Variants in PREX1 observed in about 807,000 individuals in gnomAD.
PREX1 encodes the protein phosphatidylinositol-3,4,5-trisphosphate dependent Rac exchange factor 1, also known as phosphatidylinositol 3,4,5-trisphosphate-dependent Rac exchanger 1 protein.
Under a neutral mutation model 198.3 loss-of-function variants are expected in PREX1, and 41 were observed. The observed-to-expected ratio is 0.21, with a 90% confidence interval of 0.16 to 0.27. The LOEUF (loss-of-function observed/expected upper bound fraction) is 0.27. PREX1 is among the 10% of genes least tolerant of loss of function. The pLI, the probability that PREX1 is intolerant of heterozygous loss-of-function variation, is 1.00. For missense variants in PREX1, 1,620 were observed against 2,200.7 expected (o/e 0.74, Z 5.28); for synonymous variants, 843 against 887.2 (o/e 0.95, Z 0.89).
upstream of PREX1, among the ~76,000 whole-genome samples, chr20:48,828,247 C>G (rs1173709489): frequency 2.6e-5 from 4 of 151,620 alleles, 1 homozygote; most frequent in South Asian, 8.3e-4. Flanking sequence ...CCGGAAGGGC[C>G]CCGCGGAGCC....
intron 1 of PREX1, among the ~76,000 whole-genome samples, chr20:48,772,111 T>C (rs6125461): frequency 6.6e-6 from 1 of 152,024 alleles, no homozygotes; most frequent in Non-Finnish European, 1.5e-5. Context: ...AGAGAATCGC[T>C]CGAACCTGGG....
intron 27 of PREX1, among the ~76,000 whole-genome samples, chr20:48,643,566 C>T (rs545144211): frequency 1.1e-3 from 167 of 152,320 alleles, no homozygotes; most frequent in Non-Finnish European, 1.7e-3. Context: ...ACCTGCCCAT[C>T]CATGCATTCA....
the PREX1 span, among the ~76,000 whole-genome samples, chr20:48,875,296 G>A: frequency 4.6e-5 from 7 of 152,182 alleles, no homozygotes; most frequent in East Asian, 5.8e-4. Context: ...AGGGAACGGC[G>A]GGTGCGAAAG....
the PREX1 span, among the ~76,000 whole-genome samples, chr20:48,865,822 A>ACAAACTC: frequency 2.0e-5 from 3 of 152,208 alleles, no homozygotes; most frequent in Admixed American, 6.5e-5. Context: ...ATTATTGTGC[A>ACAAACTC]CAAACTCTCC....
At chr20:48,874,204 G>A in the PREX1 span, among the ~76,000 whole-genome samples, 1 of 152,098 alleles carries the variant, frequency 6.6e-6, no homozygotes, top group African/African-American at 2.4e-5. Context: ...GCTTATCCAA[G>A]ATCACCCACC....
chr20:48,776,348 C>G (rs1482480959), intron 1 of PREX1, among the ~76,000 whole-genome samples: 1 of 152,218 alleles, frequency 6.6e-6, no homozygotes, highest in African/African-American at 2.4e-5. Context: ...GACCCCGCCC[C>G]CCTCAGACAG....
the PREX1 span, among the ~76,000 whole-genome samples, chr20:48,873,619 C>T: frequency 6.7e-6 from 1 of 150,302 alleles, no homozygotes; most frequent in Non-Finnish European, 1.5e-5. Flanking sequence ...ACTTGGGAGG[C>T]TGAGGCAGGA....
intron 14 of PREX1, among the ~76,000 whole-genome samples, chr20:48,672,140 C>T (rs2089679657): frequency 6.6e-6 from 1 of 152,240 alleles, no homozygotes. Flanking sequence ...GTTCCTCCTC[C>T]TCCAGTCTCT....
the PREX1 span, among the ~76,000 whole-genome samples, chr20:48,849,949 A>G: frequency 6.6e-6 from 1 of 152,202 alleles, no homozygotes; most frequent in Non-Finnish European, 1.5e-5. Flanking sequence ...CTGGGTTCAT[A>G]TCATGACCAC....
Position 48,630,868 on chromosome 20 carries a change from T to A in PREX1, c.4527-74A>T, listed in dbSNP as rs2089308910. ...CTCCTGCCCCTACCCAGGTCTCAAC[T>A]CCTGCAGCCACCGTGACTCCGCCCT... On this transcript the variant is annotated intron_variant, in intron 35 of 39. Transcript: ENST00000371941. The A allele has an allele frequency of 2.6e-5, 30 of 1,162,226 alleles. No individual in the cohort carries two copies. In the South Asian group the frequency reaches 2.7e-4, roughly 11 times the overall value. The allele number at this position is 1,162,226 out of a possible 1,614,324, so 72.0% of individuals were successfully genotyped here. A position where few individuals can be genotyped will look rare whatever the true frequency, so the allele number is the denominator to read the frequency against.
upstream of PREX1, among the ~76,000 whole-genome samples, chr20:48,828,768 C>T (rs571316846): frequency 9.5e-4 from 145 of 152,366 alleles, 2 homozygotes; most frequent in African/African-American, 3.3e-3. Context: ...TTATTACCTG[C>T]TCTTGAGTTA....
intron 4 of PREX1, 100 bp from the exon 5 acceptor site, chr20:48,726,491 C>A: frequency 1.2e-6 from 1 of 848,470 alleles, no homozygotes; most frequent in Non-Finnish European, 1.9e-6. Context: ...CAGCTACAAT[C>A]ACTTGGCAAG....
chr20:48,637,864 C>G, intron 30 of PREX1, 112 bp from the exon 31 acceptor site: 1 of 886,520 alleles, frequency 1.1e-6, no homozygotes, highest in South Asian at 1.7e-5. Context: ...TGACCCTTCA[C>G]AGCAAAGCCC....
chr20:48,810,866 G>A (rs113216630), intron 1 of PREX1, among the ~76,000 whole-genome samples: 15,823 of 151,874 alleles, frequency 0.1, 1,036 homozygotes, highest in Middle Eastern at 0.24. Context: ...CAGCCTGGGC[G>A]ACAAGAGCCA....
intron 15 of PREX1, among the ~76,000 whole-genome samples, chr20:48,664,761 G>A (rs896536575): frequency 3.6e-4 from 54 of 150,058 alleles, no homozygotes; most frequent in Non-Finnish European, 4.0e-4. Context: ...TTCTAATCCC[G>A]ACTCCAGACG....
At position 48,636,581 on chromosome 20, in the gene PREX1, T is replaced by C. The variant is rs753145374; in HGVS notation, c.4049A>G (p.Tyr1350Cys). The part of the protein sequence containing the change: ...KQLLAALGYR[Y>C]NNNGEYEESS... Reference sequence around the variant, plus strand: ...CTCCTCGTACTCGCCATTGTTGTTGTAGCGGTAGCCCAGGGCCGCCAGCAG... The same window carrying C: ...CTCCTCGTACTCGCCATTGTTGTTGCAGCGGTAGCCCAGGGCCGCCAGCAG... The change falls in exon 32 of 40, where the codon TAC becomes TGC. Residue 1350 changes from tyrosine (Y) to cysteine (C), a missense_variant. Coordinates refer to ENST00000371941, the MANE Select transcript of PREX1 (RefSeq NM_020820.4). The C allele has an allele frequency of 3.1e-6, 5 of 1,611,866 alleles. No homozygotes were observed. Among genetic ancestry groups the C allele is most frequent in the Non-Finnish European group, 3.4e-6 (4 of 1,179,684 alleles).
chr20:48,811,187 T>C (rs1277874088), intron 1 of PREX1, among the ~76,000 whole-genome samples: 1 of 117,116 alleles, frequency 8.5e-6, no homozygotes, highest in Non-Finnish European at 2.0e-5. Context: ...AATTTTTTTT[T>C]TATTATTATT....
intron 5 of PREX1, among the ~76,000 whole-genome samples, chr20:48,723,860 A>G (rs1351975045): frequency 6.6e-6 from 1 of 152,180 alleles, no homozygotes; most frequent in African/African-American, 2.4e-5. Flanking sequence ...ACACAGGTCC[A>G]GCGACACCAT....
rs375998806 is a variant in PREX1 at position 48,681,948 on chromosome 20, C to T, written c.1335-613G>A. On this transcript the variant is annotated intron_variant, in intron 10 of 39. Coordinates refer to ENST00000371941, the MANE Select transcript of PREX1 (RefSeq NM_020820.4). ...TAATAGGGGGCCAGAAAGATGATGGCGGGGAGTCAGGCGAGCTAACAGTGA... is the reference window on the plus strand; with the variant it reads ...TAATAGGGGGCCAGAAAGATGATGGTGGGGAGTCAGGCGAGCTAACAGTGA... Among the ~76,000 whole-genome samples, 18 of 151,906 alleles carry T rather than the reference C, an allele frequency of 1.2e-4. No homozygotes were observed. In the East Asian group the frequency reaches 3.3e-3, roughly 28 times the overall value.
Sources: gnomAD v4.1 joint callset for allele counts (sites outside exome capture counted in the v4.1 genomes callset) on GRCh38, gnomAD v4.1.1 for gene constraint, MANE v1.5 for transcripts, NCBI Gene and HGNC (gene_info 2026-07-23, HGNC 2026-07-21) for gene names.